The following NCK2 variants were observed in gnomAD, a reference collection of about 807,000 sequenced individuals.
The protein encoded by NCK2 is cytoplasmic protein NCK2.
NCK2 carries 16 observed loss-of-function variants against 33.9 expected under a neutral mutation model. The ratio of observed to expected loss-of-function variants is 0.47; its 90% CI spans 0.32 to 0.72. The LOEUF is 0.72. Ranked by LOEUF, NCK2 falls within the 30% of genes least tolerant of loss-of-function variation. The probability of loss-of-function intolerance (pLI) is 0.03; values close to 1 mark genes in which losing one functional copy is unlikely to be tolerated. For synonymous variants in NCK2, 273 were observed against 239.9 expected (o/e 1.14, Z -1.27); for missense variants, 418 against 537.3 (o/e 0.78, Z 2.19).
intron 1 of NCK2, among the ~76,000 whole-genome samples, chr2:105,775,972 G>A (rs1029129695): frequency 6.6e-6 from 1 of 152,222 alleles, no homozygotes; most frequent in African/African-American, 2.4e-5. Flanking sequence ...GATAATTGTT[G>A]ACCGTCAGTT....
At chr2:105,773,864 T>C (rs1425555596) in intron 1 of NCK2, among the ~76,000 whole-genome samples, 1 of 152,208 alleles carries the variant, frequency 6.6e-6, no homozygotes, top group Non-Finnish European at 1.5e-5. Context: ...TGCAGTGTTT[T>C]GGGTAGTCCA....
chr2:105,818,828 TCTTA>T (rs1194948566), intron 2 of NCK2, among the ~76,000 whole-genome samples: 5 of 152,362 alleles, frequency 3.3e-5, no homozygotes, highest in African/African-American at 7.2e-5. Flanking sequence ...TAGAATTTCC[TCTTA>T]CTTGGTCTGC....
chr2:105,856,916 A>AG (rs1419692322), intron 3 of NCK2: 4 of 152,216 alleles, frequency 2.6e-5, no homozygotes, highest in African/African-American at 9.6e-5. Context: ...GCATGAATAG[A>AG]GAAAAACTTG....
intron 3 of NCK2, among the ~76,000 whole-genome samples, chr2:105,873,738 G>A (rs146648921): frequency 1.9e-4 from 29 of 152,308 alleles, no homozygotes; most frequent in African/African-American, 6.7e-4. Flanking sequence ...AAAACGAAAA[G>A]TTGGCTCAGA....
intron 1 of NCK2, among the ~76,000 whole-genome samples, chr2:105,753,193 G>A (rs1689507246): frequency 6.6e-6 from 1 of 152,254 alleles, no homozygotes; most frequent in Non-Finnish European, 1.5e-5. Context: ...GATAGGGAGT[G>A]TAGCTTGCAT....
intron 2 of NCK2, among the ~76,000 whole-genome samples, chr2:105,830,041 G>C (rs940943178): frequency 7.2e-5 from 11 of 152,086 alleles, no homozygotes; most frequent in Admixed American, 4.6e-4. Flanking sequence ...AGTGTGTAAT[G>C]ATCAAATCAG....
intron 3 of NCK2, among the ~76,000 whole-genome samples, chr2:105,874,665 A>C (rs887769335): frequency 6.6e-6 from 1 of 152,218 alleles, no homozygotes; most frequent in Non-Finnish European, 1.5e-5. Context: ...TTCAGCTTAA[A>C]TCTCCCGAAC....
chr2:105,765,484 G>C (rs1689907038), intron 1 of NCK2, among the ~76,000 whole-genome samples: 1 of 152,176 alleles, frequency 6.6e-6, no homozygotes, highest in South Asian at 2.1e-4. Flanking sequence ...CTTCTTTGAA[G>C]GGACTCCCTA....
intron 3 of NCK2, among the ~76,000 whole-genome samples, chr2:105,871,795 T>A (rs1438838385): frequency 6.6e-6 from 1 of 152,172 alleles, no homozygotes; most frequent in African/African-American, 2.4e-5. Context: ...GTGCCCGGCC[T>A]GGTTTTTGTT....
intron 1 of NCK2, among the ~76,000 whole-genome samples, chr2:105,796,006 G>A (rs1691071228): frequency 6.6e-6 from 1 of 152,208 alleles, no homozygotes; most frequent in Non-Finnish European, 1.5e-5. Context: ...TTTAGCATTT[G>A]AAAGCTCTAT....
intron 3 of NCK2, chr2:105,856,932 T>G (rs932386135): frequency 2.6e-5 from 4 of 152,208 alleles, no homozygotes; most frequent in Non-Finnish European, 4.4e-5. Context: ...ACTTGAAGGT[T>G]GTCCTGAGCT....
intron 2 of NCK2, among the ~76,000 whole-genome samples, chr2:105,835,405 A>ATATATATATATGTG (rs70953537): frequency 2.1e-4 from 8 of 37,914 alleles, no homozygotes; most frequent in South Asian, 1.3e-3. Flanking sequence ...ATATATATAT[A>ATATATATATATGTG]CGTGTATATA....
chr2:105,864,895 C>T (rs1287121367), intron 3 of NCK2, among the ~76,000 whole-genome samples: 1 of 150,856 alleles, frequency 6.6e-6, no homozygotes, highest in Non-Finnish European at 1.5e-5. Context: ...AAATGGATGA[C>T]TTTAGATGCA....
At chr2:105,826,243 A>G (rs1478630945) in intron 2 of NCK2, among the ~76,000 whole-genome samples, 2 of 152,262 alleles carry the variant, frequency 1.3e-5, no homozygotes, top group Non-Finnish European at 2.9e-5. Flanking sequence ...TTATAAAACC[A>G]TCAGATCTCC....
chr2:105,855,025 A>G (rs2104583218), intron 2 of NCK2, 23 bp from the exon 3 acceptor site: 3 of 1,569,832 alleles, frequency 1.9e-6, no homozygotes, highest in Non-Finnish European at 2.6e-6. Flanking sequence ...TCTAATGAGC[A>G]TCTCCAAATG....
intron 2 of NCK2, among the ~76,000 whole-genome samples, chr2:105,844,636 G>T (rs1323434823): frequency 6.6e-6 from 1 of 150,436 alleles, no homozygotes; most frequent in Non-Finnish European, 1.5e-5. Context: ...TACTCGGGAG[G>T]GTGAGGCAGA....
chr2:105,801,244 C>T (rs1200440925), intron 1 of NCK2, among the ~76,000 whole-genome samples: 2 of 151,982 alleles, frequency 1.3e-5, no homozygotes, highest in Non-Finnish European at 2.9e-5. Flanking sequence ...AGAGGCCTGC[C>T]GGGCTGTCAT....
At chr2:105,747,463 C>A (rs1160358564) in intron 1 of NCK2, among the ~76,000 whole-genome samples, 1 of 152,158 alleles carries the variant, frequency 6.6e-6, no homozygotes, top group African/African-American at 2.4e-5. Flanking sequence ...CTATGGGACA[C>A]CCATTTTTCT....
At chr2:105,793,909 G>T (rs945827033) in intron 1 of NCK2, among the ~76,000 whole-genome samples, 19 of 152,126 alleles carry the variant, frequency 1.2e-4, no homozygotes, top group African/African-American at 4.6e-4. Context: ...CTTCTGGTTT[G>T]GTCATTGTGT....
Sources: allele counts gnomAD v4.1 joint callset (sites outside exome capture counted in the v4.1 genomes callset), GRCh38; gene constraint gnomAD v4.1.1; transcripts MANE v1.5; gene names NCBI Gene and HGNC (gene_info 2026-07-23, HGNC 2026-07-21).